Variants in SYNE2 observed in about 807,000 individuals in gnomAD.
The protein encoded by SYNE2 is nesprin-2.
SYNE2 carries 431 observed loss-of-function variants against 856.3 expected under a neutral mutation model. The observed-to-expected ratio is 0.50, with a 90% CI of 0.47 to 0.55. The LOEUF (loss-of-function observed/expected upper bound fraction) is 0.55, where lower values mean the gene tolerates loss of function less well. Ranked by LOEUF, SYNE2 falls within the 20% of genes least tolerant of loss-of-function variation. SYNE2 has a pLI of 0.00. For synonymous variants in SYNE2, 2,923 were observed against 2,872.3 expected (o/e 1.02, Z -0.56); for missense variants, 8,129 against 8,023.2 (o/e 1.01, Z -0.50).
At chr14:63,795,638 TC>T (rs1265744581) in intron 1 of SYNE2, among the ~76,000 whole-genome samples, 1 of 152,144 alleles carries the variant, frequency 6.6e-6, no homozygotes, top group African/African-American at 2.4e-5. Context: ...AAGTAAGTAA[TC>T]CTCTCACTTT....
chr14:64,196,582 C>A (rs955779516), intron 99 of SYNE2, among the ~76,000 whole-genome samples: 2 of 152,156 alleles, frequency 1.3e-5, no homozygotes, highest in African/African-American at 2.4e-5. Flanking sequence ...AAGAGGAAGG[C>A]ATTCCTATTG....
intron 1 of SYNE2, among the ~76,000 whole-genome samples, chr14:63,866,414 C>T (rs1292374188): frequency 6.6e-6 from 1 of 152,156 alleles, no homozygotes; most frequent in African/African-American, 2.4e-5. Context: ...TGTAATCCCA[C>T]CACTCTGGAA....
chr14:64,023,656 G>A (rs954437263), intron 38 of SYNE2: 2 of 156,894 alleles, frequency 1.3e-5, no homozygotes, highest in African/African-American at 4.8e-5. Context: ...CGTATGAAAG[G>A]CCTGTGGTAC....
intron 78 of SYNE2, among the ~76,000 whole-genome samples, chr14:64,135,485 T>C (rs1202344696): frequency 6.6e-6 from 1 of 151,524 alleles, no homozygotes; most frequent in Non-Finnish European, 1.5e-5. Context: ...ATCTGAGTCC[T>C]CTGGGGTGGG....
chr14:64,223,715 C>T (rs909491266), intron 113 of SYNE2, among the ~76,000 whole-genome samples: 15 of 152,288 alleles, frequency 9.8e-5, no homozygotes, highest in African/African-American at 3.6e-4. Flanking sequence ...ATGCAAAGTT[C>T]TGGCATTACA....
At chr14:64,043,492 C>G (rs879346740) in intron 45 of SYNE2, among the ~76,000 whole-genome samples, 3 of 78,460 alleles carry the variant, frequency 3.8e-5, no homozygotes, top group African/African-American at 1.1e-4. Flanking sequence ...GGCCCAGAGG[C>G]CTATGTAAAA....
intron 78 of SYNE2, among the ~76,000 whole-genome samples, chr14:64,134,821 CAA>C (rs775008007): frequency 1.3e-4 from 16 of 120,652 alleles, no homozygotes; most frequent in Non-Finnish European, 9.0e-5. Flanking sequence ...TACTAAAATA[CAA>C]AAAAAAAAAA....
rs775169295 is a variant in SYNE2, at chr14:64,163,480, G to A, written c.16378G>A (p.Ala5460Thr). 1.7e-5 allele frequency: 27 copies of A among 1,614,008 alleles called. No homozygotes were observed. The highest frequency in any genetic ancestry group is 1.7e-5 in the Non-Finnish European group (20 of 1,180,024). ...SSVLDRLPQP[A>T]ESSTHMLLPG... ...TGTCCTGGATCGACTCCCACAACCC[G>A]CAGAGTCCAGCACCCACATGCTCCT... Residue 5460 changes from alanine to threonine, a missense_variant, in exon 89 of 116, where the codon GCA becomes ACA. Physicochemically the swap from Ala to Thr is moderately conservative, Grantham distance 58 (BLOSUM62 0). This residue lies in a region of SYNE2 where 5,410 missense variants were observed against 5,284.8 expected (regional missense o/e 1.02). Transcript: ENST00000555002.
At chr14:64,093,582 A>G (rs550790096) in intron 61 of SYNE2, 102 bp downstream of exon 61, 185 of 1,240,622 alleles carry the variant, frequency 1.5e-4, no homozygotes, top group Non-Finnish European at 2.1e-4. Context: ...CTAGTGGTGC[A>G]GTGTAACACC....
intron 84 of SYNE2, among the ~76,000 whole-genome samples, chr14:64,150,091 A>C (rs1287870225): frequency 8.4e-5 from 11 of 131,474 alleles, no homozygotes; most frequent in Non-Finnish European, 1.5e-4. Context: ...AACTCACTTC[A>C]GCCTTGAGCT....
chr14:63,840,445 TCCTTCCTCCCTC>T (rs1261145602), intron 1 of SYNE2, among the ~76,000 whole-genome samples: 15 of 55,190 alleles, frequency 2.7e-4, no homozygotes, highest in South Asian at 8.3e-4. Flanking sequence ...CTTCCTTCCT[TCCTTCCTCCCTC>T]CCTCCCTCCT....
chr14:63,986,989 C>T (rs534964751), intron 19 of SYNE2, among the ~76,000 whole-genome samples: 22 of 152,282 alleles, frequency 1.4e-4, no homozygotes, highest in African/African-American at 5.3e-4. Context: ...CGCGGTGGCT[C>T]ACACCTGCAA....
At chr14:63,971,748 T>C (rs2096480622) in intron 11 of SYNE2, among the ~76,000 whole-genome samples, 3 of 152,182 alleles carry the variant, frequency 2.0e-5, no homozygotes, top group African/African-American at 7.2e-5. Flanking sequence ...TCACTTACTT[T>C]ACAATACAGG....
intron 1 of SYNE2, among the ~76,000 whole-genome samples, chr14:63,891,627 CA>C (rs2095134475): frequency 1.3e-5 from 2 of 151,946 alleles, no homozygotes; most frequent in Non-Finnish European, 2.9e-5. Context: ...ACCTTTATGT[CA>C]AAGAGGAATA....
At chr14:64,007,347 C>A in intron 31 of SYNE2, 125 bp downstream of exon 31, 1 of 910,052 alleles carries the variant, frequency 1.1e-6, no homozygotes, top group East Asian at 2.5e-5. Context: ...TAAGGATTTC[C>A]TGCTGGAGTT....
intron 2 of SYNE2, among the ~76,000 whole-genome samples, chr14:63,926,454 G>A (rs528211473): frequency 6.6e-5 from 10 of 152,284 alleles, no homozygotes; most frequent in African/African-American, 1.9e-4. Flanking sequence ...AAAGGGCCAG[G>A]TAGTAAATAT....
At chr14:64,160,288 T>TTA (rs2098318695) in intron 87 of SYNE2, among the ~76,000 whole-genome samples, 1 of 152,232 alleles carries the variant, frequency 6.6e-6, no homozygotes, top group Admixed American at 6.5e-5. Context: ...AACTCAGTTG[T>TTA]TACGCTGCAC....
At chr14:63,995,726 T>TATCC (rs998948254) in intron 23 of SYNE2, among the ~76,000 whole-genome samples, 3 of 41,538 alleles carry the variant, frequency 7.2e-5, no homozygotes, top group Non-Finnish European at 1.4e-4. Flanking sequence ...ATTCTATATC[T>TATCC]ATCCATCTAT....
chr14:63,922,456 G>T (rs1395486894), intron 2 of SYNE2, among the ~76,000 whole-genome samples: 3 of 152,082 alleles, frequency 2.0e-5, no homozygotes, highest in Non-Finnish European at 4.4e-5. Context: ...TTATTCCCGG[G>T]CCTGACTTGC....
Sources: gnomAD v4.1 joint callset for allele counts (sites outside exome capture counted in the v4.1 genomes callset) on GRCh38, gnomAD v4.1.1 for gene constraint, gnomAD v4.1.1 regional missense constraint, MANE v1.5 for transcripts, NCBI Gene and HGNC (gene_info 2026-07-23, HGNC 2026-07-21) for gene names.